GTF2IRD1: variants seen among roughly 807,000 people sequenced by gnomAD.
The protein encoded by GTF2IRD1 is general transcription factor II-I repeat domain-containing protein 1.
A neutral mutation model predicts 113.2 loss-of-function variants in GTF2IRD1; 26 were observed. That is an observed-to-expected ratio of 0.23 (90% CI 0.17 to 0.32). The LOEUF is 0.32. Ranked by LOEUF, GTF2IRD1 falls within the 10% of genes least tolerant of loss-of-function variation. The pLI, the probability that GTF2IRD1 is intolerant of heterozygous loss-of-function variation, is 1.00. For missense variants in GTF2IRD1, 864 were observed against 1,280.8 expected, an observed-to-expected ratio of 0.67 and a Z score of 4.97; for synonymous variants, 484 against 529.1, an observed-to-expected ratio of 0.91 and a Z score of 1.17.
chr7:74,458,587 G>C (rs1226671117), intron 1 of GTF2IRD1, among the ~76,000 whole-genome samples: 1 of 152,096 alleles, frequency 6.6e-6, no homozygotes, highest in African/African-American at 2.4e-5. Context: ...TGGCCTGTAG[G>C]GGGTGTGGTA....
At chr7:74,574,038 C>A (rs920055621) in intron 22 of GTF2IRD1, among the ~76,000 whole-genome samples, 23 of 152,004 alleles carry the variant, frequency 1.5e-4, no homozygotes, top group Middle Eastern at 6.8e-3. Flanking sequence ...GGCTGGAGTG[C>A]AGCAGTGCAA....
chr7:74,570,647 T>A (rs1800647141), intron 22 of GTF2IRD1, among the ~76,000 whole-genome samples: 1 of 152,126 alleles, frequency 6.6e-6, no homozygotes, highest in Non-Finnish European at 1.5e-5. Context: ...GAATGAGACC[T>A]TGTCTTTCAA....
intron 1 of GTF2IRD1, among the ~76,000 whole-genome samples, chr7:74,462,634 G>A (rs1793447617): frequency 6.6e-6 from 1 of 152,062 alleles, no homozygotes; most frequent in South Asian, 2.1e-4. Flanking sequence ...GGACCCCCCA[G>A]AAGAAGGTGG....
At chr7:74,521,141 T>G in intron 6 of GTF2IRD1, 67 bp from the exon 7 acceptor site, 2 of 884,780 alleles carry the variant, frequency 2.3e-6, no homozygotes, top group South Asian at 1.3e-5. Flanking sequence ...GCCTGTGCAC[T>G]GGGGCCAGAT....
chr7:74,596,431 G>T (rs1269533274), intron 25 of GTF2IRD1, among the ~76,000 whole-genome samples: 1 of 144,322 alleles, frequency 6.9e-6, no homozygotes, highest in South Asian at 2.2e-4. Flanking sequence ...CTGCACTCCA[G>T]CCTGGGCAAC....
chr7:74,557,741 C>T lies in GTF2IRD1; in HGVS notation c.2107+19C>T, dbSNP rs1554357586. On this transcript the variant is annotated intron_variant, in intron 20 of 26. Coordinates refer to ENST00000424337, the MANE Select transcript of GTF2IRD1 (RefSeq NM_005685.4). Reference sequence around the variant, plus strand: ...AAATACGGTAAGCAGTGCAGAACCCCCGGGGAGGGACACGCAGCTGCTGTG... The same window carrying T: ...AAATACGGTAAGCAGTGCAGAACCCTCGGGGAGGGACACGCAGCTGCTGTG... The T allele has an allele frequency of 6.7e-7, 1 of 1,498,026 alleles. No homozygotes were observed. Among genetic ancestry groups the T allele is most frequent in the Admixed American group, 1.7e-5 (1 of 58,454 alleles). The allele number at this position is 1,498,026 out of a possible 1,614,324, so 92.8% of individuals were successfully genotyped here.
At chr7:74,546,702 A>C (rs1342042149) in intron 16 of GTF2IRD1, among the ~76,000 whole-genome samples, 2 of 152,142 alleles carry the variant, frequency 1.3e-5, no homozygotes, top group Non-Finnish European at 2.9e-5. Flanking sequence ...GGGGTTGCTT[A>C]TGGTGGCAGG....
At chr7:74,466,213 G>A (rs1315109876) in intron 1 of GTF2IRD1, among the ~76,000 whole-genome samples, 1 of 152,080 alleles carries the variant, frequency 6.6e-6, no homozygotes, top group Non-Finnish European at 1.5e-5. Context: ...GTTCTGGGGC[G>A]GGGGCTACCT....
At chr7:74,539,647 G>A (rs1432364525) in intron 13 of GTF2IRD1, among the ~76,000 whole-genome samples, 1 of 152,108 alleles carries the variant, frequency 6.6e-6, no homozygotes, top group Non-Finnish European at 1.5e-5. Flanking sequence ...AGGAGGCTGA[G>A]GCAGGAGAAT....
intron 26 of GTF2IRD1, chr7:74,601,409 T>C: frequency 6.7e-7 from 1 of 1,484,964 alleles, no homozygotes; most frequent in Non-Finnish European, 8.9e-7. Flanking sequence ...ATTCACATCC[T>C]CGCTGGGCAG....
chr7:74,540,107 C>T (rs1798548387), intron 14 of GTF2IRD1, 139 bp downstream of exon 14: 2 of 597,668 alleles, frequency 3.3e-6, no homozygotes, highest in Non-Finnish European at 6.0e-6. Flanking sequence ...ATGCCTGACC[C>T]TAATCCAAGG....
At chr7:74,573,891 C>T (rs1554363555) in intron 22 of GTF2IRD1, among the ~76,000 whole-genome samples, 1 of 152,234 alleles carries the variant, frequency 6.6e-6, no homozygotes, top group Non-Finnish European at 1.5e-5. Context: ...TGCAGTCACT[C>T]ATTTGTGCAC....
chr7:74,561,615 A>G (rs1554359105), intron 22 of GTF2IRD1, among the ~76,000 whole-genome samples: 1 of 151,996 alleles, frequency 6.6e-6, no homozygotes, highest in Non-Finnish European at 1.5e-5. Context: ...GAGTGGTCAG[A>G]TGATGTTGGA....
intron 25 of GTF2IRD1, among the ~76,000 whole-genome samples, chr7:74,600,465 T>C (rs1802684942): frequency 1.3e-5 from 2 of 152,066 alleles, no homozygotes; most frequent in South Asian, 4.1e-4. Flanking sequence ...TCCCAGCACT[T>C]TGGGAGGCCG....
chr7:74,574,369 C>G (rs1800881749), intron 22 of GTF2IRD1, among the ~76,000 whole-genome samples: 1 of 151,712 alleles, frequency 6.6e-6, no homozygotes, highest in African/African-American at 2.4e-5. Flanking sequence ...GTCTAGAACT[C>G]CTGGCTTCAA....
chr7:74,544,634 G>A (rs1554352632), intron 14 of GTF2IRD1, 121 bp from the exon 15 acceptor site: 10 of 825,310 alleles, frequency 1.2e-5, no homozygotes, highest in Non-Finnish European at 1.8e-5. Context: ...TGGAGTGGGT[G>A]CCATGCTTCA....
intron 17 of GTF2IRD1, among the ~76,000 whole-genome samples, chr7:74,551,846 G>A (rs1477590264): frequency 6.6e-6 from 1 of 152,168 alleles, no homozygotes; most frequent in African/African-American, 2.4e-5. Flanking sequence ...TGAGGCAGGA[G>A]AATCACTTGA....
At chr7:74,552,995 A>G (rs1316923683) in intron 17 of GTF2IRD1, among the ~76,000 whole-genome samples, 1 of 151,902 alleles carries the variant, frequency 6.6e-6, no homozygotes, top group Non-Finnish European at 1.5e-5. Context: ...ATGTCACTAC[A>G]CCTGGCTAAA....
chr7:74,569,153 G>A (rs1800530996), intron 22 of GTF2IRD1, among the ~76,000 whole-genome samples: 1 of 152,170 alleles, frequency 6.6e-6, no homozygotes, highest in Non-Finnish European at 1.5e-5. Context: ...CGGGGGGTCA[G>A]GGAAAGCTCC....
Sources: allele counts gnomAD v4.1 joint callset (sites outside exome capture counted in the v4.1 genomes callset), GRCh38; gene constraint gnomAD v4.1.1; transcripts MANE v1.5; gene names NCBI Gene and HGNC (gene_info 2026-07-23, HGNC 2026-07-21).